Variants in EHBP1 observed in about 807,000 individuals in gnomAD.
EHBP1 encodes EH domain binding protein 1.
Under a neutral mutation model 144.0 loss-of-function variants are expected in EHBP1, and 55 were observed. The observed-to-expected ratio is 0.38, with a 90% confidence interval of 0.31 to 0.48. The LOEUF (loss-of-function observed/expected upper bound fraction) is 0.48, where lower values mean the gene tolerates loss of function less well. Ranked by LOEUF, EHBP1 falls within the 20% of genes least tolerant of loss-of-function variation. The pLI, the probability that EHBP1 is intolerant of heterozygous loss-of-function variation, is 0.98. For missense variants in EHBP1, 1,200 were observed against 1,364.2 expected, an observed-to-expected ratio of 0.88 and a Z score of 1.90; for synonymous variants, 469 against 472.7, an observed-to-expected ratio of 0.99 and a Z score of 0.10.
At chr2:62,702,695 C>T (rs1297927131), upstream of EHBP1, among the ~76,000 whole-genome samples, 1 of 152,132 alleles carries the variant, frequency 6.6e-6, no homozygotes, top group Non-Finnish European at 1.5e-5. Context: ...ACTCTTTAGT[C>T]CTTGAGGTAG....
chr2:62,695,467 A>G (rs2034053395), intron 1 of EHBP1, among the ~76,000 whole-genome samples: 1 of 152,240 alleles, frequency 6.6e-6, no homozygotes, highest in Non-Finnish European at 1.5e-5. Flanking sequence ...GTGAAAGAAG[A>G]TTCTTTAATC....
intron 10 of EHBP1, among the ~76,000 whole-genome samples, chr2:62,889,341 T>C (rs1191368417): frequency 6.6e-6 from 1 of 152,032 alleles, no homozygotes; most frequent in African/African-American, 2.4e-5. Flanking sequence ...TCTCCCATTC[T>C]GTAAGTTGTC....
At position 62,735,454 on chromosome 2, in the gene EHBP1, A is replaced by T. The variant is rs927962185; in HGVS notation, c.105-11941A>T. Among the ~76,000 whole-genome samples the T allele has an allele frequency of 4.6e-5, 7 of 152,262 alleles. No homozygotes were observed. The East Asian group carries it at 1.4e-3, about 29-fold the overall frequency. ...ATCATTGCTGTCATTCATTTCACTT[A>T]TATATAAGCATATATGTATATATAC... is the stretch of plus-strand genomic sequence containing the variant. On this transcript the variant is annotated intron_variant, in intron 2 of 22. Transcript: ENST00000431489.
intron 9 of EHBP1, 29 bp from the exon 10 acceptor site, chr2:62,874,317 C>A: frequency 6.8e-7 from 1 of 1,462,062 alleles, no homozygotes; most frequent in Non-Finnish European, 9.2e-7. Context: ...TTTTGAGAGA[C>A]ATCTAACAAT....
chr2:62,675,028 A>G (rs1339613773), intron 1 of EHBP1, among the ~76,000 whole-genome samples: 2 of 152,152 alleles, frequency 1.3e-5, no homozygotes, highest in Non-Finnish European at 2.9e-5. Flanking sequence ...TTTCAGTGAG[A>G]TTTCAGTGGG....
At chr2:62,678,559 G>A (rs1045505621) in intron 1 of EHBP1, among the ~76,000 whole-genome samples, 7 of 152,032 alleles carry the variant, frequency 4.6e-5, no homozygotes, top group Admixed American at 6.5e-5. Context: ...TAGTACTTTA[G>A]AGTTTATAAA....
intron 2 of EHBP1, among the ~76,000 whole-genome samples, chr2:62,710,503 CT>C: frequency 6.6e-6 from 1 of 150,392 alleles, no homozygotes; most frequent in Non-Finnish European, 1.5e-5. Flanking sequence ...ATTCCTTTTC[CT>C]TATTTTAAAA....
At chr2:62,839,688 T>C (rs1327798423) in intron 7 of EHBP1, among the ~76,000 whole-genome samples, 2 of 151,928 alleles carry the variant, frequency 1.3e-5, no homozygotes, top group South Asian at 2.1e-4. Context: ...AGCATTCTTA[T>C]ACACCAACAA....
At chr2:62,895,279 A>G (rs918862550) in intron 10 of EHBP1, among the ~76,000 whole-genome samples, 6 of 53,530 alleles carry the variant, frequency 1.1e-4, no homozygotes, top group African/African-American at 2.8e-4. Flanking sequence ...TGTAAATTCT[A>G]TCATCATCAT....
At chr2:62,770,858 A>G (rs911450880) in intron 4 of EHBP1, among the ~76,000 whole-genome samples, 1 of 152,208 alleles carries the variant, frequency 6.6e-6, no homozygotes, top group African/African-American at 2.4e-5. Context: ...TTTCTGGAAC[A>G]TGGATGGAGC....
intron 1 of EHBP1, among the ~76,000 whole-genome samples, chr2:62,699,605 A>G (rs1478430952): frequency 2.0e-5 from 3 of 152,248 alleles, no homozygotes; most frequent in African/African-American, 7.2e-5. Flanking sequence ...AGGGCACTCT[A>G]GAGTTAGGGC....
chr2:62,822,961 A>G lies in EHBP1; in HGVS notation c.313-3126A>G, dbSNP rs142607378. Among the ~76,000 whole-genome samples the G allele has an allele frequency of 7.7e-3, 1,169 of 152,266 alleles. 3 individuals carry two copies. Among genetic ancestry groups the G allele is most frequent in the Admixed American group, 0.011 (169 of 15,258 alleles). The stretch of plus-strand genomic sequence containing the variant: ...ATAAGTGACATTTTTAAATTTAAAT[A>G]ATTTTGTGTAAGAACTTAGGGGAAG... On this transcript the variant is annotated intron_variant, in intron 5 of 22. Coordinates refer to ENST00000431489, the MANE Select transcript of EHBP1 (RefSeq NM_001142616.3).
chr2:62,840,769 G>C (rs1452066795), intron 7 of EHBP1, among the ~76,000 whole-genome samples: 9 of 151,494 alleles, frequency 5.9e-5, no homozygotes, highest in African/African-American at 2.2e-4. Flanking sequence ...TCAGAGAAAT[G>C]CAAATCAAAA....
chr2:62,923,355 A>T (rs2055233740), intron 10 of EHBP1, among the ~76,000 whole-genome samples: 2 of 152,200 alleles, frequency 1.3e-5, no homozygotes, highest in South Asian at 4.1e-4. Context: ...GCCCATCTTC[A>T]TAGGGGAGAG....
chr2:62,795,985 G>C (rs532369175), intron 5 of EHBP1, among the ~76,000 whole-genome samples: 3 of 151,728 alleles, frequency 2.0e-5, no homozygotes, highest in Non-Finnish European at 4.4e-5. Context: ...TGTAATGTCA[G>C]ACTTTTCTGC....
intron 7 of EHBP1, among the ~76,000 whole-genome samples, chr2:62,839,414 C>G (rs1325280488): frequency 3.6e-5 from 5 of 138,842 alleles, no homozygotes; most frequent in Non-Finnish European, 1.6e-5. Flanking sequence ...TGGAAGCATT[C>G]CCTTTGAAAA....
At chr2:63,027,561 C>T (rs2061033986) in intron 19 of EHBP1, among the ~76,000 whole-genome samples, 1 of 152,186 alleles carries the variant, frequency 6.6e-6, no homozygotes, top group Non-Finnish European at 1.5e-5. Context: ...GAAGGATCTA[C>T]ACTGTCCTGC....
At chr2:62,829,896 G>A (rs958182185) in intron 6 of EHBP1, among the ~76,000 whole-genome samples, 20 of 150,528 alleles carry the variant, frequency 1.3e-4, no homozygotes, top group African/African-American at 4.1e-4. Flanking sequence ...TGGTGAGAAT[G>A]TAAACTGGTA....
chr2:62,752,138 C>G (rs2039794668), intron 3 of EHBP1, among the ~76,000 whole-genome samples: 1 of 152,188 alleles, frequency 6.6e-6, no homozygotes, highest in African/African-American at 2.4e-5. Flanking sequence ...AAATTTCCCT[C>G]TACACACTGC....
Sources: gnomAD v4.1 joint callset for allele counts (sites outside exome capture counted in the v4.1 genomes callset) on GRCh38, gnomAD v4.1.1 for gene constraint, MANE v1.5 for transcripts, NCBI Gene and HGNC (gene_info 2026-07-23, HGNC 2026-07-21) for gene names.